Variants in RGPD3 observed in about 807,000 individuals in gnomAD.
RGPD3 encodes ranBP2-like and GRIP domain-containing protein 3.
Under a neutral mutation model 154.5 loss-of-function variants are expected in RGPD3, and 62 were observed. That is an observed-to-expected ratio of 0.40 (90% CI 0.33 to 0.50). RGPD3 has a LOEUF of 0.50. Among genes scored for constraint, RGPD3 ranks in the 20% least tolerant of loss-of-function variants. The pLI is 0.59. For missense variants in RGPD3, 919 were observed against 1,716.8 expected, an observed-to-expected ratio of 0.54 and a Z score of 8.21; for synonymous variants, 308 against 607.0, an observed-to-expected ratio of 0.51 and a Z score of 7.24.
intron 1 of RGPD3, among the ~76,000 whole-genome samples, 178 bp downstream of exon 1, chr2:106,468,039 C>G (rs549873964): frequency 3.3e-4 from 48 of 144,960 alleles, no homozygotes; most frequent in African/African-American, 1.2e-3. Context: ...GGAGCCATGA[C>G]GCCTGAGCCA....
rs776274966 is a variant in RGPD3 at position 106,424,301 on chromosome 2, C to G, written c.3666G>C (p.Lys1222Asn). 3 of 1,611,822 alleles carry G rather than the reference C, an allele frequency of 1.9e-6. No homozygotes were observed. The highest frequency in any genetic ancestry group is 2.5e-6 in the Non-Finnish European group (3 of 1,179,868). ...DQTKVAEEEN[K>N]GSGTGAAGAS... ...CACCGGCCGCACCTGTACCTGAACCCTTATTTTCTTCCTCAGCGACTTTTG... is the reference window on the plus strand; with the variant it reads ...CACCGGCCGCACCTGTACCTGAACCGTTATTTTCTTCCTCAGCGACTTTTG... The change falls in exon 20 of 23, where the codon AAG becomes AAC. Residue 1222 changes from lysine (K) to asparagine (N), a missense_variant. Lys to Asn is a moderately conservative substitution (Grantham distance 94). Transcript: ENST00000409886.
intron 7 of RGPD3, among the ~76,000 whole-genome samples, chr2:106,446,799 T>C (rs1172864501): frequency 6.7e-6 from 1 of 148,290 alleles, no homozygotes; most frequent in Admixed American, 6.8e-5. Flanking sequence ...GGAGAATCAC[T>C]TGAACCCAGG....
chr2:106,411,033 T>C (rs1676655192), intron 22 of RGPD3, among the ~76,000 whole-genome samples: 1 of 150,454 alleles, frequency 6.6e-6, no homozygotes, highest in African/African-American at 2.4e-5. Context: ...CTGAATCTTA[T>C]CAGGCCTCTA....
At chr2:106,412,722 A>AG (rs979587952) in intron 22 of RGPD3, 1 of 466,916 alleles carries the variant, frequency 2.1e-6, no homozygotes, top group African/African-American at 2.0e-5. Context: ...AGGAAGGAAG[A>AG]GGGGTGAAGT....
rs1676728483 is a variant in RGPD3, at chr2:106,413,270, T to C, written c.5080A>G (p.Ile1694Val). ...TCTTGATTCCTTTCCAATCTTCTTATTTCACTTTTGAGAAGCTGGTGTTAG... is the reference window on the plus strand; with the variant it reads ...TCTTGATTCCTTTCCAATCTTCTTACTTCACTTTTGAGAAGCTGGTGTTAG... The part of the protein sequence containing the change: ...MEQIKLLKSE[I>V]RRLERNQEQE... The change falls in exon 22 of 23, where the codon ATA becomes GTA. Residue 1694 changes from isoleucine to valine, a missense_variant. Physicochemically the swap from Ile to Val is conservative, Grantham distance 29 (BLOSUM62 3). Transcript: ENST00000409886. The C allele has an allele frequency of 6.2e-6, 10 of 1,611,808 alleles. No individual in the cohort carries two copies. The highest frequency in any genetic ancestry group is 1.3e-5 in the African/African-American group (1 of 74,836).
chr2:106,446,517 C>T (rs1308769507), intron 7 of RGPD3, among the ~76,000 whole-genome samples: 13 of 119,552 alleles, frequency 1.1e-4, no homozygotes, highest in South Asian at 9.6e-4. Context: ...TTGCAGTGAG[C>T]CAAGATCGTG....
At chr2:106,468,061 G>A (rs1238586922) in intron 1 of RGPD3, among the ~76,000 whole-genome samples, 156 bp downstream of exon 1, 2 of 148,052 alleles carry the variant, frequency 1.4e-5, no homozygotes, top group African/African-American at 2.5e-5. Flanking sequence ...CGAGGCCGCC[G>A]CAGGGCCAGG....
intron 7 of RGPD3, among the ~76,000 whole-genome samples, chr2:106,441,856 T>C: frequency 1.4e-5 from 1 of 72,376 alleles, no homozygotes; most frequent in South Asian, 5.8e-4. Flanking sequence ...AGAGTGAGAC[T>C]CCATCGCAAA....
chr2:106,448,610 T>G (rs1170010450), intron 6 of RGPD3, among the ~76,000 whole-genome samples: 3 of 150,692 alleles, frequency 2.0e-5, no homozygotes. Context: ...AGGGGATCCA[T>G]GAAGCTAAAA....
At chr2:106,467,754 C>T (rs1237955756) in intron 1 of RGPD3, among the ~76,000 whole-genome samples, 1 of 133,630 alleles carries the variant, frequency 7.5e-6, no homozygotes, top group Non-Finnish European at 1.6e-5. Context: ...GAGCAGCGCC[C>T]GTCGGGAGCC....
chr2:106,464,353 A>G (rs1342339661), intron 1 of RGPD3, among the ~76,000 whole-genome samples: 4 of 151,586 alleles, frequency 2.6e-5, no homozygotes, highest in Non-Finnish European at 5.9e-5. Flanking sequence ...AAAAAAAAAA[A>G]AAAGAAAAGA....
At chr2:106,415,711 A>T in intron 21 of RGPD3, 139 bp downstream of exon 21, 2 of 778,440 alleles carry the variant, frequency 2.6e-6, no homozygotes, top group South Asian at 4.0e-5. Flanking sequence ...AATATTTCTC[A>T]CCATCAGGAA....
At chr2:106,468,103 G>T in intron 1 of RGPD3, 114 bp downstream of exon 1, 3 of 1,345,026 alleles carry the variant, frequency 2.2e-6, no homozygotes, top group South Asian at 2.8e-5. Flanking sequence ...AGCGCGCCAG[G>T]GAGCAGCGCT....
At chr2:106,407,311 A>C (rs932757968) in intron 22 of RGPD3, among the ~76,000 whole-genome samples, 6 of 152,150 alleles carry the variant, frequency 3.9e-5, no homozygotes, top group Admixed American at 3.9e-4. Context: ...ACTGGTTAAA[A>C]ATAACTCATT....
chr2:106,468,095 C>T, intron 1 of RGPD3, 122 bp downstream of exon 1: 1 of 1,302,620 alleles, frequency 7.7e-7, no homozygotes, highest in South Asian at 1.5e-5. Context: ...CTCCACAGAG[C>T]GCGCCAGGGA....
intron 4 of RGPD3, among the ~76,000 whole-genome samples, chr2:106,455,089 A>G (rs1202880462): frequency 6.6e-6 from 1 of 152,196 alleles, no homozygotes; most frequent in African/African-American, 2.4e-5. Context: ...TCACCTGAGA[A>G]CCCGGGAGGC....
At chr2:106,428,556 C>CTG (rs1353275101) in intron 18 of RGPD3, among the ~76,000 whole-genome samples, 4 of 149,352 alleles carry the variant, frequency 2.7e-5, no homozygotes, top group Admixed American at 6.7e-5. Flanking sequence ...CAAAGATTTT[C>CTG]TGTTATTTTG....
chr2:106,412,295 T>C (rs1362195519), intron 22 of RGPD3, among the ~76,000 whole-genome samples: 1 of 13,802 alleles, frequency 7.2e-5, no homozygotes, highest in Non-Finnish European at 1.5e-4. Context: ...ACATCATAGT[T>C]TTTTTTTTTT....
intron 22 of RGPD3, among the ~76,000 whole-genome samples, chr2:106,408,753 G>A (rs970598453): frequency 6.6e-6 from 1 of 151,920 alleles, no homozygotes; most frequent in South Asian, 2.1e-4. Context: ...ATTTCGACCA[G>A]AAGTTTGACT....
Sources: gnomAD v4.1 joint callset for allele counts (sites outside exome capture counted in the v4.1 genomes callset) on GRCh38, gnomAD v4.1.1 for gene constraint, MANE v1.5 for transcripts, NCBI Gene and HGNC (gene_info 2026-07-23, HGNC 2026-07-21) for gene names.